The following HDAC9 variants were observed in gnomAD, a reference collection of about 807,000 sequenced individuals.
The protein encoded by HDAC9 is histone deacetylase 9.
Under a neutral mutation model 139.4 loss-of-function variants are expected in HDAC9, and 41 were observed. The observed-to-expected ratio is 0.29, with a 90% confidence interval of 0.23 to 0.38. HDAC9 has a LOEUF of 0.38. Ranked by LOEUF, HDAC9 falls within the 10% of genes least tolerant of loss-of-function variation. The probability of loss-of-function intolerance (pLI) is 1.00; values close to 1 mark genes in which losing one functional copy is unlikely to be tolerated. For synonymous variants in HDAC9, 517 were observed against 476.2 expected, an observed-to-expected ratio of 1.09 and a Z score of -1.12; for missense variants, 1,147 against 1,297.0, an observed-to-expected ratio of 0.88 and a Z score of 1.78.
intron 2 of HDAC9, among the ~76,000 whole-genome samples, chr7:18,498,728 CT>C (rs1323231918): frequency 6.6e-6 from 1 of 151,996 alleles, no homozygotes; most frequent in East Asian, 1.9e-4. Flanking sequence ...CGATTGTGTA[CT>C]GATTTTTTTA....
At chr7:18,594,744 TTAAC>T (rs1425280366) in intron 6 of HDAC9, among the ~76,000 whole-genome samples, 13 of 152,130 alleles carry the variant, frequency 8.5e-5, no homozygotes, top group Non-Finnish European at 1.8e-4. Flanking sequence ...TAATAAATGT[TTAAC>T]TAGATATACA....
chr7:18,934,243 G>A (rs968355924), intron 22 of HDAC9, among the ~76,000 whole-genome samples: 2 of 151,728 alleles, frequency 1.3e-5, no homozygotes, highest in Admixed American at 1.3e-4. Context: ...AGACCCTAAT[G>A]GTTTCATACG....
rs185532548 is a variant in HDAC9 at position 18,795,093 on chromosome 7, A to G, written c.2322+1641A>G. 1.2e-3 allele frequency among the ~76,000 whole-genome samples: 189 copies of G among 152,230 alleles called. 1 individual carries two copies. The highest frequency in any genetic ancestry group is 4.0e-3 in the African/African-American group (167 of 41,530). On this transcript the variant is annotated intron_variant, in intron 17 of 25. Transcript: ENST00000686413. The stretch of plus-strand genomic sequence containing the variant: ...CATGTTTAGAAGTTATCCATTTAAA[A>G]TAGCCAGTTCCAAACAATGTGTCAA...
intron 1 of HDAC9, among the ~76,000 whole-genome samples, chr7:18,099,346 T>A (rs1451632650): frequency 6.6e-6 from 1 of 152,016 alleles, no homozygotes; most frequent in Non-Finnish European, 1.5e-5. Flanking sequence ...TGGGCACCTG[T>A]AATCCCAGCT....
At chr7:18,402,920 G>A (rs974269709) in intron 1 of HDAC9, among the ~76,000 whole-genome samples, 1 of 152,290 alleles carries the variant, frequency 6.6e-6, no homozygotes, top group Middle Eastern at 3.4e-3. Context: ...GTTCTAAACA[G>A]AGCGATTATA....
At chr7:18,383,051 T>G (rs942375184) in intron 1 of HDAC9, among the ~76,000 whole-genome samples, 9 of 152,216 alleles carry the variant, frequency 5.9e-5, no homozygotes, top group Non-Finnish European at 1.2e-4. Context: ...AAAATAAATG[T>G]ACTGTTATAA....
chr7:18,576,264 T>TA (rs1224128082), intron 2 of HDAC9, among the ~76,000 whole-genome samples: 2 of 152,302 alleles, frequency 1.3e-5, no homozygotes, highest in African/African-American at 2.4e-5. Flanking sequence ...CCAGCCATGT[T>TA]AGAGACGGAG....
intron 1 of HDAC9, among the ~76,000 whole-genome samples, chr7:18,388,096 G>A (rs996854101): frequency 6.6e-6 from 1 of 152,118 alleles, no homozygotes; most frequent in African/African-American, 2.4e-5. Flanking sequence ...TCTTATCCAG[G>A]AGAGAGTTTA....
chr7:18,749,371 A>G (rs1788253441), intron 14 of HDAC9, among the ~76,000 whole-genome samples: 1 of 152,208 alleles, frequency 6.6e-6, no homozygotes, highest in South Asian at 2.1e-4. Flanking sequence ...GTGTGTTCCA[A>G]TGCTGCAGTA....
chr7:18,610,970 C>A (rs1248260767), intron 6 of HDAC9, among the ~76,000 whole-genome samples: 3 of 152,116 alleles, frequency 2.0e-5, no homozygotes, highest in East Asian at 1.9e-4. Context: ...CTATTACATT[C>A]TTTCCTGTTT....
intron 12 of HDAC9, among the ~76,000 whole-genome samples, chr7:18,695,540 CAAG>C (rs1782983502): frequency 6.6e-6 from 1 of 152,102 alleles, no homozygotes; most frequent in Admixed American, 6.6e-5. Context: ...TGGGACTTAG[CAAG>C]AAATCATTAA....
At chr7:18,407,439 G>T (rs1361988296) in intron 1 of HDAC9, among the ~76,000 whole-genome samples, 4 of 152,076 alleles carry the variant, frequency 2.6e-5, no homozygotes, top group African/African-American at 9.7e-5. Context: ...CTCAAAGTGG[G>T]GTGACACGTT....
chr7:18,361,820 A>G (rs76829738), intron 1 of HDAC9, among the ~76,000 whole-genome samples: 3,721 of 139,192 alleles, frequency 0.027, 126 homozygotes, highest in African/African-American at 0.078. Flanking sequence ...GAGAGAGAGA[A>G]AAAAAAAAAC....
At chr7:18,667,113 A>G (rs1795069218) in intron 12 of HDAC9, 8 of 985,268 alleles carry the variant, frequency 8.1e-6, no homozygotes, top group Non-Finnish European at 9.6e-6. Flanking sequence ...GGTTTTAAAT[A>G]TATAGATGCA....
chr7:18,277,622 C>T (rs1048831293), intron 2 of HDAC9, among the ~76,000 whole-genome samples: 8 of 152,080 alleles, frequency 5.3e-5, no homozygotes, highest in African/African-American at 9.7e-5. Flanking sequence ...AAATATCTCC[C>T]GTCATTTGAA....
intron 17 of HDAC9, among the ~76,000 whole-genome samples, chr7:18,814,215 A>T (rs1585085273): frequency 2.0e-5 from 3 of 152,322 alleles, no homozygotes; most frequent in South Asian, 4.1e-4. Flanking sequence ...CTGATATTTT[A>T]AAAATAACAT....
At chr7:18,640,357 T>TAAAAAAAAA (rs56655676) in intron 8 of HDAC9, among the ~76,000 whole-genome samples, 1 of 66,082 alleles carries the variant, frequency 1.5e-5, no homozygotes, top group Non-Finnish European at 2.9e-5. Flanking sequence ...GATCCTGTCT[T>TAAAAAAAAA]AAAAAAAAAA....
At chr7:18,834,803 C>T (rs1000099748) in intron 19 of HDAC9, among the ~76,000 whole-genome samples, 3 of 152,082 alleles carry the variant, frequency 2.0e-5, no homozygotes, top group Admixed American at 6.6e-5. Flanking sequence ...ATTCTAACTG[C>T]GGAGGGATTG....
intron 2 of HDAC9, among the ~76,000 whole-genome samples, chr7:18,274,720 T>C (rs6956566): frequency 0.29 from 44,476 of 152,134 alleles, 7,070 homozygotes; most frequent in South Asian, 0.41. Flanking sequence ...CATATTGTCA[T>C]GGACAAATCT....
Sources: gnomAD v4.1 joint callset for allele counts (sites outside exome capture counted in the v4.1 genomes callset) on GRCh38, gnomAD v4.1.1 for gene constraint, MANE v1.5 for transcripts, NCBI Gene and HGNC (gene_info 2026-07-23, HGNC 2026-07-21) for gene names.